Variants in LAMA2 observed in about 807,000 individuals in gnomAD.
LAMA2 encodes the protein laminin subunit alpha 2, also known as laminin subunit alpha-2.
In LAMA2, 269 loss-of-function variants were observed where a neutral mutation model predicts 364.8. That is an observed-to-expected ratio of 0.74 (90% CI 0.67 to 0.82). The LOEUF is 0.82. Among genes scored for constraint, LAMA2 ranks in the 40% least tolerant of loss-of-function variants. LAMA2 has a pLI of 0.00. For synonymous variants in LAMA2, 1,379 were observed against 1,370.6 expected (o/e 1.01, Z -0.14); for missense variants, 3,807 against 3,873.2 (o/e 0.98, Z 0.45).
intron 1 of LAMA2, among the ~76,000 whole-genome samples, chr6:129,014,668 A>G (rs779975509): frequency 2.6e-4 from 39 of 152,104 alleles, no homozygotes; most frequent in Non-Finnish European, 5.1e-4. Context: ...AAAAGAAAAA[A>G]TATGCTATTT....
At chr6:129,267,354 A>G in intron 16 of LAMA2, 135 bp downstream of exon 16, 2 of 733,962 alleles carry the variant, frequency 2.7e-6, no homozygotes, top group Non-Finnish European at 2.5e-6. Context: ...TTTGTATTGA[A>G]CTGAATTGGA....
At chr6:129,066,891 A>T (rs1211421450) in intron 3 of LAMA2, among the ~76,000 whole-genome samples, 1 of 152,172 alleles carries the variant, frequency 6.6e-6, no homozygotes, top group East Asian at 1.9e-4. Context: ...ATGAGTATAG[A>T]CCCTTATCTC....
chr6:129,099,823 C>G lies in LAMA2; in HGVS notation c.639+1408C>G, dbSNP rs930525338. Reference sequence around the variant, plus strand: ...AAAACATTCCAAATGGTACTCTCAGCAGAAATCTCAATCTGCCAAATGACA... The same window carrying G: ...AAAACATTCCAAATGGTACTCTCAGGAGAAATCTCAATCTGCCAAATGACA... On this transcript the variant is annotated intron_variant, in intron 4 of 64. Transcript: ENST00000421865. Among the ~76,000 whole-genome samples, 5 of 152,164 alleles carry G rather than the reference C, an allele frequency of 3.3e-5. No homozygotes were observed. In the East Asian group the frequency reaches 9.6e-4, roughly 29 times the overall value.
At chr6:129,489,936 A>G (rs1277237070) in intron 56 of LAMA2, among the ~76,000 whole-genome samples, 3 of 152,142 alleles carry the variant, frequency 2.0e-5, no homozygotes, top group Non-Finnish European at 4.4e-5. Flanking sequence ...CTGTAAAAAA[A>G]AAAAATAAAG....
chr6:129,172,938 G>T (rs1398388707), intron 9 of LAMA2, among the ~76,000 whole-genome samples: 1 of 152,178 alleles, frequency 6.6e-6, no homozygotes. Flanking sequence ...CGATTTTCCA[G>T]GTGCCGTCCG....
At position 129,201,360 on chromosome 6, in the gene LAMA2, C is replaced by T. The variant is rs530666947; in HGVS notation, c.1782+8507C>T. ...AACCTGACCTGCACAGAGAGAGAGA[C>T]GAGGAGAGAGCTGCAGCTATCTGCA... On this transcript the variant is annotated intron_variant, in intron 12 of 64. Transcript: ENST00000421865. Among the ~76,000 whole-genome samples the T allele has an allele frequency of 6.6e-5, 10 of 152,122 alleles. No homozygotes were observed. The East Asian group carries it at 7.7e-4, about 12-fold the overall frequency.
intron 10 of LAMA2, among the ~76,000 whole-genome samples, chr6:129,188,748 G>A (rs781708533): frequency 5.9e-5 from 9 of 152,024 alleles, no homozygotes; most frequent in Middle Eastern, 3.4e-3. Context: ...TTGTAAATGA[G>A]TCATAGAAAT....
rs114331182 is a variant in LAMA2, at chr6:129,144,320, A to C, written c.819+240A>C. ...ATTTATCAAACATTTTAGCCTTCTC[A>C]AACTTTAATTTCTTCTTTTGTAAAA... is the stretch of plus-strand genomic sequence containing the variant. On this transcript the variant is annotated intron_variant, in intron 5 of 64. Transcript: ENST00000421865. Among the ~76,000 whole-genome samples, 994 of 152,052 alleles carry C rather than the reference A, an allele frequency of 6.5e-3. 8 individuals are homozygous for C. Among genetic ancestry groups the C allele is most frequent in the African/African-American group, 0.022 (933 of 41,498 alleles).
At chr6:129,441,196 C>CT (rs1782099195) in intron 43 of LAMA2, among the ~76,000 whole-genome samples, 198 bp downstream of exon 43, 1 of 152,090 alleles carries the variant, frequency 6.6e-6, no homozygotes, top group African/African-American at 2.4e-5. Context: ...TGCCCCGGTG[C>CT]TTTTTTCCTC....
At chr6:129,205,954 CG>C (rs1324404725) in intron 12 of LAMA2, among the ~76,000 whole-genome samples, 1 of 150,812 alleles carries the variant, frequency 6.6e-6, no homozygotes, top group African/African-American at 2.4e-5. Context: ...ACTCCGGAGG[CG>C]GAGATTGCAG....
intron 2 of LAMA2, among the ~76,000 whole-genome samples, chr6:129,058,569 A>G (rs1309340757): frequency 3.3e-5 from 5 of 152,160 alleles, no homozygotes; most frequent in Admixed American, 1.3e-4. Context: ...TTCCTCCACT[A>G]GAGTTAGTGA....
intron 20 of LAMA2, among the ~76,000 whole-genome samples, chr6:129,293,616 G>A (rs1013814487): frequency 2.0e-5 from 3 of 152,294 alleles, no homozygotes; most frequent in East Asian, 1.9e-4. Flanking sequence ...AATTACAAAA[G>A]TGTGGTTCTC....
At chr6:129,058,404 G>A (rs1788633260) in intron 2 of LAMA2, among the ~76,000 whole-genome samples, 1 of 151,982 alleles carries the variant, frequency 6.6e-6, no homozygotes, top group Non-Finnish European at 1.5e-5. Flanking sequence ...CTGTGGGGTT[G>A]CCACGCCTCC....
intron 32 of LAMA2, among the ~76,000 whole-genome samples, chr6:129,359,772 C>A (rs1562491947): frequency 6.6e-6 from 1 of 152,088 alleles, no homozygotes; most frequent in African/African-American, 2.4e-5. Flanking sequence ...CAAAAATACT[C>A]AGTGTCCTCA....
intron 3 of LAMA2, among the ~76,000 whole-genome samples, chr6:129,068,002 G>C (rs1335993534): frequency 6.6e-6 from 1 of 152,086 alleles, no homozygotes; most frequent in South Asian, 2.1e-4. Flanking sequence ...ACATGTTACT[G>C]TTCAGTTGAA....
chr6:129,466,094 T>C (rs1175643820), intron 51 of LAMA2, among the ~76,000 whole-genome samples: 3 of 151,966 alleles, frequency 2.0e-5, no homozygotes, highest in Non-Finnish European at 2.9e-5. Context: ...TAAATTTAAA[T>C]TTGTACCGTC....
rs1784913626 is a variant in LAMA2, at chr6:129,492,358, A to G, written c.8119A>G (p.Ile2707Val). The G allele has an allele frequency of 6.2e-7, 1 of 1,614,048 alleles. No homozygotes were observed. Residue 2707 changes from isoleucine (I) to valine (V), a missense_variant, in exon 58 of 65, where the codon ATT becomes GTT. Ile to Val is a conservative substitution (Grantham distance 29). Coordinates refer to ENST00000421865, the MANE Select transcript of LAMA2 (RefSeq NM_000426.4). ...GCCTGTGTCCTTCAAAAATGCTGAC[A>G]TTGGTCGCTGTGCCCATCAGAAACT... ...ARPVSFKNAD[I>V]GRCAHQKLRE... is the part of the protein sequence containing the mutation.
chr6:129,059,925 A>G, intron 3 of LAMA2, 29 bp downstream of exon 3: 1 of 1,266,674 alleles, frequency 7.9e-7, no homozygotes, highest in Non-Finnish European at 1.2e-6. Context: ...TGTCATTTCC[A>G]CTTTTGAAAT....
intron 12 of LAMA2, among the ~76,000 whole-genome samples, chr6:129,213,429 G>A (rs893028443): frequency 4.6e-5 from 7 of 152,154 alleles, no homozygotes; most frequent in Admixed American, 3.9e-4. Flanking sequence ...GTCAGAGCAT[G>A]CTAGTTTTGT....
Sources: allele counts gnomAD v4.1 joint callset (sites outside exome capture counted in the v4.1 genomes callset), GRCh38; gene constraint gnomAD v4.1.1; transcripts MANE v1.5; gene names NCBI Gene and HGNC (gene_info 2026-07-23, HGNC 2026-07-21).